The following ADGRB3 variants were observed in gnomAD, a reference collection of about 807,000 sequenced individuals.
ADGRB3 encodes adhesion G protein-coupled receptor B3.
ADGRB3 carries 37 observed loss-of-function variants against 193.4 expected under a neutral mutation model. The ratio of observed to expected loss-of-function variants is 0.19; its 90% CI spans 0.15 to 0.25. The LOEUF (loss-of-function observed/expected upper bound fraction) is 0.25, where lower values mean the gene tolerates loss of function less well. Ranked by LOEUF, ADGRB3 falls within the 10% of genes least tolerant of loss-of-function variation. The probability of loss-of-function intolerance (pLI) is 1.00; values close to 1 mark genes in which losing one functional copy is unlikely to be tolerated. For missense variants in ADGRB3, 1,637 were observed against 1,852.9 expected, an observed-to-expected ratio of 0.88 and a Z score of 2.14; for synonymous variants, 690 against 644.2, an observed-to-expected ratio of 1.07 and a Z score of -1.08.
chr6:69,173,361 C>A (rs1172439658), intron 17 of ADGRB3, among the ~76,000 whole-genome samples: 1 of 152,182 alleles, frequency 6.6e-6, no homozygotes, highest in Non-Finnish European at 1.5e-5. Flanking sequence ...TATTTGAATT[C>A]TTCTCTAGAG....
At chr6:69,079,932 G>T (rs998189585) in intron 17 of ADGRB3, among the ~76,000 whole-genome samples, 22 of 152,020 alleles carry the variant, frequency 1.4e-4, no homozygotes, top group Non-Finnish European at 3.1e-4. Context: ...CTAAGGACTA[G>T]ACTTCCCTAT....
chr6:68,868,111 G>A (rs1023490038), intron 3 of ADGRB3, among the ~76,000 whole-genome samples: 1 of 152,132 alleles, frequency 6.6e-6, no homozygotes, highest in Non-Finnish European at 1.5e-5. Flanking sequence ...ATATGATTTG[G>A]CTCTGTGTCC....
At chr6:69,301,916 G>A (rs2127296887) in intron 20 of ADGRB3, among the ~76,000 whole-genome samples, 1 of 152,038 alleles carries the variant, frequency 6.6e-6, no homozygotes, top group Admixed American at 6.6e-5. Flanking sequence ...GTCATTGTAT[G>A]ACAACTAAAA....
intron 5 of ADGRB3, among the ~76,000 whole-genome samples, chr6:68,937,376 A>G (rs1767512494): frequency 6.6e-6 from 1 of 152,208 alleles, no homozygotes; most frequent in Non-Finnish European, 1.5e-5. Flanking sequence ...CTCCCAGACT[A>G]CAGACTTTCA....
intron 3 of ADGRB3, among the ~76,000 whole-genome samples, chr6:68,817,371 T>C (rs1283274462): frequency 1.5e-5 from 2 of 136,918 alleles, no homozygotes; most frequent in African/African-American, 2.6e-5. Context: ...AATTTCTGAC[T>C]GTTTCTTTTA....
At chr6:68,772,611 G>T (rs1473673946) in intron 3 of ADGRB3, among the ~76,000 whole-genome samples, 2 of 151,896 alleles carry the variant, frequency 1.3e-5, no homozygotes, top group Non-Finnish European at 2.9e-5. Flanking sequence ...GTACTCTAAT[G>T]AGAAAAGTCA....
chr6:69,031,321 G>A (rs970960937), intron 13 of ADGRB3, among the ~76,000 whole-genome samples: 5 of 151,168 alleles, frequency 3.3e-5, no homozygotes, highest in African/African-American at 9.7e-5. Flanking sequence ...GGGGCCTGTA[G>A]TCCCAGCTAC....
chr6:69,239,789 A>G (rs1582569728), intron 20 of ADGRB3, among the ~76,000 whole-genome samples: 1 of 152,098 alleles, frequency 6.6e-6, no homozygotes, highest in East Asian at 1.9e-4. Flanking sequence ...GGAAAAGTGT[A>G]TTTTCTGTTT....
intron 3 of ADGRB3, among the ~76,000 whole-genome samples, chr6:68,916,659 A>T (rs547044395): frequency 6.6e-6 from 1 of 152,212 alleles, no homozygotes; most frequent in African/African-American, 2.4e-5. Flanking sequence ...GGTCTCTTGA[A>T]AGGGGTGAAA....
chr6:68,729,410 G>A (rs187591280), intron 3 of ADGRB3, among the ~76,000 whole-genome samples: 6 of 151,776 alleles, frequency 4.0e-5, no homozygotes, highest in Admixed American at 3.3e-4. Context: ...CCATCATCAA[G>A]ATAAACAGAA....
intron 6 of ADGRB3, among the ~76,000 whole-genome samples, chr6:68,946,887 T>C (rs921192213): frequency 2.6e-5 from 4 of 152,140 alleles, no homozygotes; most frequent in Non-Finnish European, 1.5e-5. Context: ...TGAAATACTT[T>C]TATGTATTCA....
intron 3 of ADGRB3, among the ~76,000 whole-genome samples, chr6:68,728,965 C>T (rs1311944349): frequency 1.3e-5 from 2 of 151,290 alleles, no homozygotes; most frequent in African/African-American, 2.4e-5. Context: ...TATTTAGAAG[C>T]ATACATATAC....
At chr6:69,055,264 T>A (rs1771510658) in intron 15 of ADGRB3, among the ~76,000 whole-genome samples, 2 of 152,220 alleles carry the variant, frequency 1.3e-5, no homozygotes, top group South Asian at 4.1e-4. Context: ...AAATTAAGAC[T>A]ATACACATTA....
intron 17 of ADGRB3, among the ~76,000 whole-genome samples, chr6:69,199,639 G>A (rs1019625653): frequency 6.6e-6 from 1 of 152,042 alleles, no homozygotes; most frequent in South Asian, 2.1e-4. Flanking sequence ...CACTTTAGTG[G>A]TTCAGGACAA....
At chr6:68,770,321 C>A (rs185986700) in intron 3 of ADGRB3, among the ~76,000 whole-genome samples, 1 of 152,002 alleles carries the variant, frequency 6.6e-6, no homozygotes, top group African/African-American at 2.4e-5. Flanking sequence ...AATATGCAGA[C>A]CCTCTTCTCG....
intron 16 of ADGRB3, among the ~76,000 whole-genome samples, chr6:69,074,298 A>G (rs1772163427): frequency 1.3e-5 from 2 of 152,322 alleles, no homozygotes; most frequent in South Asian, 4.1e-4. Context: ...ATTTTAGAAC[A>G]GTAAGCTTAC....
chr6:69,156,915 G>A (rs1774856836), intron 17 of ADGRB3, among the ~76,000 whole-genome samples: 2 of 152,152 alleles, frequency 1.3e-5, no homozygotes, highest in South Asian at 2.1e-4. Flanking sequence ...AAGCTGATTC[G>A]TAGCAATATT....
chr6:69,153,870 G>C (rs1400448212), intron 17 of ADGRB3, among the ~76,000 whole-genome samples: 1 of 152,094 alleles, frequency 6.6e-6, no homozygotes, highest in Non-Finnish European at 1.5e-5. Context: ...GCATGTGCCT[G>C]TAGTCCCAGC....
intron 20 of ADGRB3, among the ~76,000 whole-genome samples, chr6:69,274,475 T>C (rs62408282): frequency 0.04 from 4,641 of 115,830 alleles, 133 homozygotes; most frequent in Non-Finnish European, 0.058. Flanking sequence ...CTTCCTTCCT[T>C]CCTCCCTCCC....
Sources: allele counts gnomAD v4.1 joint callset (sites outside exome capture counted in the v4.1 genomes callset), GRCh38; gene constraint gnomAD v4.1.1; transcripts MANE v1.5; gene names NCBI Gene and HGNC (gene_info 2026-07-23, HGNC 2026-07-21).